The following HSF2BP variants were observed in gnomAD, a reference collection of about 807,000 sequenced individuals.
HSF2BP encodes the protein heat shock transcription factor 2 binding protein, also known as heat shock factor 2-binding protein.
A neutral mutation model predicts 35.0 loss-of-function variants in HSF2BP; 35 were observed. That is an observed-to-expected ratio of 1.00 (90% CI 0.76 to 1.32). The LOEUF (loss-of-function observed/expected upper bound fraction) is 1.32. Among genes scored for constraint, HSF2BP ranks in the 40% most tolerant of loss-of-function variants. HSF2BP has a pLI of 0.00. For missense variants in HSF2BP, 326 were observed against 321.7 expected (o/e 1.01, Z -0.10); for synonymous variants, 114 against 117.4 (o/e 0.97, Z 0.18).
intron 5 of HSF2BP, among the ~76,000 whole-genome samples, chr21:43,631,919 C>CCA (rs374774259): frequency 6.2e-5 from 9 of 145,354 alleles, no homozygotes; most frequent in African/African-American, 2.3e-4. Flanking sequence ...CCACACGCTC[C>CCA]CACACACACG....
intron 8 of HSF2BP, among the ~76,000 whole-genome samples, chr21:43,586,177 C>A (rs558225604): frequency 1.3e-5 from 2 of 152,296 alleles, no homozygotes; most frequent in East Asian, 3.9e-4. Context: ...ACTCTGTCCT[C>A]GTCGGCTATT....
At chr21:43,657,935 G>A (rs1385480489) in intron 2 of HSF2BP, 126 bp downstream of exon 2, 6 of 1,497,114 alleles carry the variant, frequency 4.0e-6, no homozygotes, top group African/African-American at 1.4e-5. Context: ...GTTAGGGGAG[G>A]AAGTCTCCAG....
chr21:43,654,373 T>C (rs2082836989), intron 3 of HSF2BP, among the ~76,000 whole-genome samples: 1 of 152,214 alleles, frequency 6.6e-6, no homozygotes, highest in Non-Finnish European at 1.5e-5. Context: ...GTTCCACGTC[T>C]ATTTGAACGT....
At chr21:43,637,880 G>T (rs144511693) in intron 4 of HSF2BP, among the ~76,000 whole-genome samples, 1 of 151,794 alleles carries the variant, frequency 6.6e-6, no homozygotes, top group East Asian at 1.9e-4. Context: ...TTTTATAAAC[G>T]CATCTGCAAA....
intron 4 of HSF2BP, among the ~76,000 whole-genome samples, chr21:43,640,253 A>T (rs912447598): frequency 1.3e-5 from 2 of 152,228 alleles, no homozygotes; most frequent in Non-Finnish European, 2.9e-5. Context: ...GTGAGCCATG[A>T]TCCTGCCACT....
chr21:43,649,407 T>C (rs924271279), intron 3 of HSF2BP, among the ~76,000 whole-genome samples: 1 of 151,714 alleles, frequency 6.6e-6, no homozygotes, highest in East Asian at 1.9e-4. Flanking sequence ...TACTCCAGCC[T>C]GGGTGACAGA....
intron 6 of HSF2BP, among the ~76,000 whole-genome samples, chr21:43,614,368 A>G (rs1220400397): frequency 6.6e-6 from 1 of 152,022 alleles, no homozygotes; most frequent in African/African-American, 2.4e-5. Flanking sequence ...GTCTCAAAAA[A>G]AAAAAAAAAA....
intron 3 of HSF2BP, among the ~76,000 whole-genome samples, chr21:43,647,683 A>T (rs925828485): frequency 6.6e-6 from 1 of 152,152 alleles, no homozygotes; most frequent in Non-Finnish European, 1.5e-5. Flanking sequence ...GCGTCAATTT[A>T]TCTTACCATT....
chr21:43,636,573 G>A (rs1245327085), intron 4 of HSF2BP, among the ~76,000 whole-genome samples: 1 of 152,072 alleles, frequency 6.6e-6, no homozygotes, highest in Non-Finnish European at 1.5e-5. Context: ...ATTAAAAATG[G>A]GCAAAAGATT....
At chr21:43,636,041 C>A (rs2082548952) in intron 4 of HSF2BP, among the ~76,000 whole-genome samples, 1 of 147,654 alleles carries the variant, frequency 6.8e-6, no homozygotes, top group African/African-American at 2.5e-5. Flanking sequence ...GAGACCCCAT[C>A]TCTACAAAAA....
At position 43,630,334 on chromosome 21, in the gene HSF2BP, C is replaced by G; in HGVS notation, c.562G>C (p.Gly188Arg). ...DESQFVFALA[G>R]IVTNVAAIAC... is the part of the protein sequence containing the mutation. ...CGCCTGCACTTACTCGTGACAATTC[C>G]AGCCAGAGCGAAAACAAACTGACTT... Residue 188 changes from glycine (G) to arginine (R), a missense_variant, in exon 6 of 9, where the codon GGA (glycine) becomes CGA (arginine). By Grantham distance (125) the Gly-to-Arg change is moderately radical. Coordinates refer to ENST00000291560, the MANE Select transcript of HSF2BP (RefSeq NM_007031.2). 1.2e-6 allele frequency: 2 copies of G among 1,611,900 alleles called. No homozygotes were observed. The highest frequency in any genetic ancestry group is 1.7e-6 in the Non-Finnish European group (2 of 1,179,264).
the HSF2BP span, among the ~76,000 whole-genome samples, chr21:43,495,752 T>C: frequency 1.8e-5 from 2 of 113,572 alleles, no homozygotes; most frequent in Non-Finnish European, 4.0e-5. Context: ...GACTAGGATG[T>C]GGAGAAGACA....
Position 43,593,707 on chromosome 21 carries a change from GTAAT to G in HSF2BP, c.693-1383_693-1380del, listed in dbSNP as rs1252454926. 3.9e-5 allele frequency among the ~76,000 whole-genome samples: 6 copies of G among 151,952 alleles called. No individual in the cohort carries two copies. The South Asian group carries it at 6.2e-4, about 16-fold the overall frequency. On this transcript the variant is annotated intron_variant, in intron 7 of 8. Transcript: ENST00000291560. ...AATAATTAAAATGTAAAACTCAAGG[GTAAT>G]TAGACACATGGAAAAGGAGAAATAC...
intron 3 of HSF2BP, among the ~76,000 whole-genome samples, chr21:43,646,658 T>C (rs2082712477): frequency 6.6e-6 from 1 of 152,218 alleles, no homozygotes; most frequent in Admixed American, 6.5e-5. Flanking sequence ...TAATCACTTG[T>C]TCCAGACAGC....
Position 43,618,807 on chromosome 21 carries a change from G to A in HSF2BP, c.575-4860C>T, listed in dbSNP as rs144890494. On this transcript the variant is annotated intron_variant, in intron 6 of 8. Coordinates refer to ENST00000291560, the MANE Select transcript of HSF2BP (RefSeq NM_007031.2). ...AAAAAAAAAAAAAAATTAGCCAGGC[G>A]CGGTGGCAGGTGCCTTAGTCCCAGC... Among the ~76,000 whole-genome samples the A allele has an allele frequency of 1.6e-3, 244 of 151,520 alleles. 2 individuals are homozygous for A. The highest frequency in any genetic ancestry group is 5.2e-3 in the African/African-American group (217 of 41,340).
intron 3 of HSF2BP, 64 bp downstream of exon 3, chr21:43,656,523 C>G: frequency 6.8e-7 from 1 of 1,465,818 alleles, no homozygotes; most frequent in Non-Finnish European, 9.4e-7. Flanking sequence ...AATTATTTAC[C>G]TAGGGTAAAT....
intron 3 of HSF2BP, among the ~76,000 whole-genome samples, chr21:43,649,157 C>T (rs1046496334): frequency 1.3e-5 from 2 of 152,058 alleles, no homozygotes; most frequent in Admixed American, 6.5e-5. Flanking sequence ...TGGGCTCAAG[C>T]GACTCTCCTG....
intron 7 of HSF2BP, among the ~76,000 whole-genome samples, chr21:43,605,351 CAA>C (rs1471938441): frequency 3.4e-5 from 5 of 148,334 alleles, no homozygotes; most frequent in Non-Finnish European, 7.5e-5. Context: ...AAAGAGCCCA[CAA>C]ACACACATCA....
At chr21:43,649,063 A>G (rs893062177) in intron 3 of HSF2BP, among the ~76,000 whole-genome samples, 4 of 151,898 alleles carry the variant, frequency 2.6e-5, no homozygotes, top group African/African-American at 9.7e-5. Context: ...TTAATTAAAA[A>G]AATTTTTTTG....
Sources: gnomAD v4.1 joint callset for allele counts (sites outside exome capture counted in the v4.1 genomes callset) on GRCh38, gnomAD v4.1.1 for gene constraint, MANE v1.5 for transcripts, NCBI Gene and HGNC (gene_info 2026-07-23, HGNC 2026-07-21) for gene names.